The following RGPD3 variants were observed in gnomAD, a reference collection of about 807,000 sequenced individuals.
RGPD3 encodes the protein RANBP2 like and GRIP domain containing 3.
In RGPD3, 62 loss-of-function variants were observed where a neutral mutation model predicts 154.5. The observed-to-expected ratio is 0.40, with a 90% CI of 0.33 to 0.50. RGPD3 has a LOEUF of 0.50. Among genes scored for constraint, RGPD3 ranks in the 20% least tolerant of loss-of-function variants. The pLI is 0.59. For synonymous variants in RGPD3, 308 were observed against 607.0 expected (o/e 0.51, Z 7.24); for missense variants, 919 against 1,716.8 (o/e 0.54, Z 8.21).
chr2:106,413,172 A>G lies in RGPD3; in HGVS notation c.5178T>C (p.Gly1726=). The change falls in exon 22 of 23, where the codon GGT becomes GGC. Residue 1726 remains glycine, a synonymous_variant. Coordinates refer to ENST00000409886, the MANE Select transcript of RGPD3 (RefSeq NM_001144013.2). ...CAGGAAGAAGTCTCTCTCTTTCACT[A>G]CCTGGCTTCAAGAAAATGAACTGCA... ...VLLQFIFLKP[G]SERERLLPVI... is the part of the protein sequence containing the mutation. 1 of 1,611,848 alleles carries G rather than the reference A, an allele frequency of 6.2e-7. No individual in the cohort carries two copies. The highest frequency in any genetic ancestry group is 8.5e-7 in the Non-Finnish European group (1 of 1,179,838).
chr2:106,450,338 T>G, intron 6 of RGPD3, among the ~76,000 whole-genome samples: 1 of 102,400 alleles, frequency 9.8e-6, no homozygotes. Context: ...AAAGGGCCCA[T>G]GAGTCCTGAT....
In RGPD3 at chr2:106,413,108, C is replaced by T. The variant is rs1464743600; in HGVS notation, c.5242G>A (p.Gly1748Arg). The change falls in exon 22 of 23, where the codon GGA becomes AGA. Residue 1748 changes from glycine (G) to arginine (R), a missense_variant. Coordinates refer to ENST00000409886, the MANE Select transcript of RGPD3 (RefSeq NM_001144013.2). ...TMLQLSLEEK[G>R]KLAAVAQGEE Reference sequence around the variant, plus strand: ...CCTTGAGCAACCGCAGCAAGTTTTCCCTTTTCTTCAAGGCTGAGCTGCAAC... The same window carrying T: ...CCTTGAGCAACCGCAGCAAGTTTTCTCTTTTCTTCAAGGCTGAGCTGCAAC... 1.2e-6 allele frequency: 2 copies of T among 1,610,716 alleles called. No individual in the cohort carries two copies. The highest frequency in any genetic ancestry group is 1.7e-6 in the Non-Finnish European group (2 of 1,179,636).
chr2:106,468,146 C>A (rs898864993), intron 1 of RGPD3, 71 bp downstream of exon 1: 11 of 1,526,046 alleles, frequency 7.2e-6, no homozygotes, highest in Non-Finnish European at 4.4e-6. Flanking sequence ...GCCATCGAGG[C>A]CGCCGCCGGG....
intron 10 of RGPD3, 40 bp from the exon 11 acceptor site, chr2:106,436,629 T>A (rs1677567786): frequency 2.5e-6 from 4 of 1,610,330 alleles, no homozygotes; most frequent in Admixed American, 1.7e-5. Context: ...AAAAAAAAAT[T>A]AAACAAAATT....
At chr2:106,420,421 T>C (rs888420935) in intron 20 of RGPD3, among the ~76,000 whole-genome samples, 2 of 151,908 alleles carry the variant, frequency 1.3e-5, no homozygotes, top group Non-Finnish European at 1.5e-5. Flanking sequence ...TAAAGGAGTT[T>C]AATAAAGTAA....
At chr2:106,468,546 C>T (rs1216790333), upstream of RGPD3, among the ~76,000 whole-genome samples, 1 of 152,210 alleles carries the variant, frequency 6.6e-6, no homozygotes, top group East Asian at 1.9e-4. Flanking sequence ...TGGCTCACGC[C>T]TGTAATCCCA....
chr2:106,410,995 T>C (rs1676653926), intron 22 of RGPD3, among the ~76,000 whole-genome samples: 1 of 150,510 alleles, frequency 6.6e-6, no homozygotes, highest in Non-Finnish European at 1.5e-5. Flanking sequence ...ATACTACTTA[T>C]GAAGTATGTC....
At chr2:106,463,344 C>T (rs568672354) in intron 1 of RGPD3, among the ~76,000 whole-genome samples, 3 of 152,154 alleles carry the variant, frequency 2.0e-5, no homozygotes, top group African/African-American at 4.8e-5. Flanking sequence ...GGCATGGTGG[C>T]GCACACCTGT....
intron 6 of RGPD3, among the ~76,000 whole-genome samples, chr2:106,451,795 A>G (rs1421983005): frequency 3.3e-5 from 5 of 152,042 alleles, no homozygotes; most frequent in African/African-American, 4.8e-5. Flanking sequence ...CTGAAACACC[A>G]GTGATGCTAA....
At chr2:106,468,167 G>A in intron 1 of RGPD3, 50 bp downstream of exon 1, 3 of 1,556,802 alleles carry the variant, frequency 1.9e-6, no homozygotes, top group Non-Finnish European at 2.6e-6. Context: ...CCGGGTCGAG[G>A]CCGCCGCCCG....
At chr2:106,449,468 A>G (rs907886876) in intron 6 of RGPD3, among the ~76,000 whole-genome samples, 1 of 140,934 alleles carries the variant, frequency 7.1e-6, no homozygotes, top group Non-Finnish European at 1.5e-5. Context: ...CTCTGTCTCA[A>G]AAAAAAAAAA....
At position 106,457,053 on chromosome 2, in the gene RGPD3, T is replaced by C; in HGVS notation, c.323A>G (p.Asp108Gly). The change falls in exon 4 of 23, where the codon GAT (aspartate) becomes GGT (glycine). Residue 108 changes from aspartate (D) to glycine (G), a missense_variant. By Grantham distance (94) the Asp-to-Gly change is moderately conservative. Transcript: ENST00000409886. Reference protein sequence around the residue: ...LKIAELLCKNDVTDGRAEYWV... With the variant: ...LKIAELLCKNGVTDGRAEYWV... ...GTATTCTGCTCTTCCATCAGTAACA[T>C]CATTTTTACAAAGCAATTCTGCAAT... 1 of 1,611,646 alleles carries C rather than the reference T, an allele frequency of 6.2e-7. No individual in the cohort carries two copies. The highest frequency in any genetic ancestry group is 2.3e-4 in the Middle Eastern group (1 of 4,426).
intron 20 of RGPD3, among the ~76,000 whole-genome samples, chr2:106,420,450 C>T (rs150883822): frequency 0.047 from 7,100 of 151,870 alleles, 212 homozygotes; most frequent in Middle Eastern, 0.082. Context: ...TGAAGCATGC[C>T]ATGTATAGCA....
At chr2:106,415,010 GAACTCGTCAAC>G (rs1295926428) in intron 21 of RGPD3, among the ~76,000 whole-genome samples, 3 of 152,114 alleles carry the variant, frequency 2.0e-5, no homozygotes, top group South Asian at 2.1e-4. Context: ...TGGGTCATAA[GAACTCGTCAAC>G]AAGCAGTATG....
chr2:106,407,304 G>C (rs1169321050), intron 22 of RGPD3, among the ~76,000 whole-genome samples: 3 of 151,980 alleles, frequency 2.0e-5, no homozygotes, highest in South Asian at 2.1e-4. Context: ...GTATTCTACT[G>C]GTTAAAAATA....
chr2:106,450,289 A>T (rs1678072693), intron 6 of RGPD3, among the ~76,000 whole-genome samples: 1 of 67,268 alleles, frequency 1.5e-5, no homozygotes, highest in Non-Finnish European at 3.1e-5. Flanking sequence ...CTGAGGCAGA[A>T]GAATGGCGTG....
intron 1 of RGPD3, 63 bp downstream of exon 1, chr2:106,468,153 CG>C (rs1283511071): frequency 2.0e-6 from 3 of 1,532,442 alleles, no homozygotes; most frequent in East Asian, 5.0e-5. Flanking sequence ...AGGCCGCCGC[CG>C]GGCCGGGTCG....
chr2:106,467,253 C>A (rs1198671409), intron 1 of RGPD3, among the ~76,000 whole-genome samples: 1 of 1,508 alleles, frequency 6.6e-4, no homozygotes, highest in Non-Finnish European at 1.3e-3. Flanking sequence ...AGGCCGCCGC[C>A]GGGCCGGGTC....
intron 1 of RGPD3, among the ~76,000 whole-genome samples, chr2:106,464,924 T>C (rs1279137192): frequency 3.4e-5 from 5 of 146,870 alleles, no homozygotes; most frequent in Admixed American, 2.1e-4. Flanking sequence ...ATTTTCACCA[T>C]ATTGGTCAGG....
Sources: allele counts gnomAD v4.1 joint callset (sites outside exome capture counted in the v4.1 genomes callset), GRCh38; gene constraint gnomAD v4.1.1; transcripts MANE v1.5; gene names NCBI Gene and HGNC (gene_info 2026-07-23, HGNC 2026-07-21).